IGSF23: variants seen among roughly 807,000 people sequenced by gnomAD.
IGSF23 encodes the protein immunoglobulin superfamily, member 23.
A neutral mutation model predicts 17.8 loss-of-function variants in IGSF23; 14 were observed. The ratio of observed to expected loss-of-function variants is 0.79; its 90% confidence interval spans 0.52 to 1.23. IGSF23 has a LOEUF of 1.23. Ranked by LOEUF, IGSF23 falls within the 50% of genes most tolerant of loss-of-function variation. The pLI is 0.00. For missense variants in IGSF23, 214 were observed against 241.7 expected, an observed-to-expected ratio of 0.89 and a Z score of 0.76; for synonymous variants, 85 against 92.5, an observed-to-expected ratio of 0.92 and a Z score of 0.46.
At chr19:44,630,852 T>G (rs1043494892) in intron 3 of IGSF23, among the ~76,000 whole-genome samples, 1 of 152,188 alleles carries the variant, frequency 6.6e-6, no homozygotes, top group Non-Finnish European at 1.5e-5. Context: ...TTGTTTGTAG[T>G]TGAGGAGAGG....
chr19:44,613,913 T>A (rs942061140), intron 1 of IGSF23, 143 bp downstream of exon 1: 1 of 1,548,096 alleles, frequency 6.5e-7, no homozygotes, highest in African/African-American at 1.4e-5. Context: ...GCACAGTCCC[T>A]GGACAGAACA....
At chr19:44,613,851 C>T (rs763074862) in intron 1 of IGSF23, 81 bp downstream of exon 1, 18 of 1,545,944 alleles carry the variant, frequency 1.2e-5, no homozygotes, top group South Asian at 3.6e-5. Context: ...GGGCTGCAGA[C>T]GCGACTGTAC....
intron 1 of IGSF23, among the ~76,000 whole-genome samples, chr19:44,619,817 A>C (rs1972471747): frequency 6.6e-6 from 1 of 152,102 alleles, no homozygotes; most frequent in African/African-American, 2.4e-5. Context: ...ATTCTAACTT[A>C]ATCACCTCGT....
intron 1 of IGSF23, among the ~76,000 whole-genome samples, chr19:44,614,570 C>T (rs1052845565): frequency 3.9e-5 from 6 of 151,916 alleles, no homozygotes; most frequent in African/African-American, 1.5e-4. Context: ...GTAGCTGGGA[C>T]CATAGGTATG....
intron 3 of IGSF23, among the ~76,000 whole-genome samples, chr19:44,629,686 T>G (rs932312993): frequency 1.4e-5 from 2 of 139,910 alleles, no homozygotes; most frequent in African/African-American, 5.4e-5. Flanking sequence ...CAGGCTGGAG[T>G]GCAGTGGTGC....
At chr19:44,627,298 C>G (rs1323360405) in intron 2 of IGSF23, 122 bp from the exon 3 acceptor site, 1 of 1,038,548 alleles carries the variant, frequency 9.6e-7, no homozygotes, top group Non-Finnish European at 1.4e-6. Context: ...GGCCAGAGAC[C>G]TGGAGGATGG....
intron 3 of IGSF23, among the ~76,000 whole-genome samples, chr19:44,628,952 C>T (rs933783278): frequency 6.6e-6 from 1 of 151,994 alleles, no homozygotes; most frequent in African/African-American, 2.4e-5. Flanking sequence ...AATGGCATAT[C>T]CAGCAGAGGG....
rs931469176 is a variant in IGSF23, at chr19:44,613,741, G to A, written c.96G>A (p.Ala32=). ...CTGACCCGATGCTAGAGAAGGATGCGGCTGGAGGTGACTTCCCAGCCAACT... is the reference window on the plus strand; with the variant it reads ...CTGACCCGATGCTAGAGAAGGATGCAGCTGGAGGTGACTTCCCAGCCAACT... The part of the protein sequence containing the change: ...TTTDPMLEKD[A]AGGDFPANLV... The change falls in exon 1 of 5, where the codon GCG becomes GCA. Residue 32 remains alanine (A), a synonymous_variant. Transcript: ENST00000402988. 31 of 1,550,558 alleles carry A rather than the reference G, an allele frequency of 2.0e-5. No individual in the cohort carries two copies. In the African/African-American group the frequency reaches 3.1e-4, roughly 16 times the overall value.
intron 2 of IGSF23, among the ~76,000 whole-genome samples, chr19:44,626,795 G>A (rs372810095): frequency 1.8e-4 from 27 of 152,166 alleles, no homozygotes; most frequent in African/African-American, 6.5e-4. Context: ...GGTGGCATGT[G>A]CCTGTAATCC....
intron 3 of IGSF23, among the ~76,000 whole-genome samples, chr19:44,635,163 G>A (rs1293312240): frequency 6.6e-6 from 1 of 152,128 alleles, no homozygotes; most frequent in Non-Finnish European, 1.5e-5. Flanking sequence ...TTTTCTCTAT[G>A]CTCATCCCTG....
At chr19:44,618,484 C>T (rs62118221) in intron 1 of IGSF23, among the ~76,000 whole-genome samples, 11,956 of 152,228 alleles carry the variant, frequency 0.079, 504 homozygotes, top group Middle Eastern at 0.14. Context: ...CTCAGAAGAG[C>T]CCACCAGGAC....
chr19:44,627,782 C>T (rs1348606155), intron 3 of IGSF23, among the ~76,000 whole-genome samples: 1 of 152,156 alleles, frequency 6.6e-6, no homozygotes. Flanking sequence ...GCTGGGCTGT[C>T]TGGCTTCAAG....
At chr19:44,631,566 G>A (rs1291470799) in intron 3 of IGSF23, among the ~76,000 whole-genome samples, 3 of 152,220 alleles carry the variant, frequency 2.0e-5, no homozygotes, top group African/African-American at 7.2e-5. Context: ...TAAAGACACA[G>A]AAATATAGAA....
chr19:44,630,175 A>G (rs12983889), intron 3 of IGSF23, among the ~76,000 whole-genome samples: 41,546 of 151,948 alleles, frequency 0.27, 6,531 homozygotes, highest in East Asian at 0.49. Context: ...GTTTAGGGAG[A>G]CATTGTGGAC....
In IGSF23 at chr19:44,623,604, G is replaced by T. The variant is rs553325077; in HGVS notation, c.126-103G>T. 176 of 1,170,798 alleles carry T rather than the reference G, an allele frequency of 1.5e-4. No homozygotes were observed. In the African/African-American group the frequency reaches 2.4e-3, roughly 16 times the overall value. The allele number at this position is 1,170,798 out of a possible 1,614,324, so 72.5% of individuals were successfully genotyped here. On this transcript the variant is annotated intron_variant, in intron 1 of 4. Transcript: ENST00000402988. The stretch of plus-strand genomic sequence containing the variant: ...TTCATGGGTGAATTAATGAATGAAT[G>T]AACACATGAAAGAATGGATGTCTCT...
intron 1 of IGSF23, among the ~76,000 whole-genome samples, chr19:44,622,090 C>T (rs996854216): frequency 2.0e-5 from 3 of 151,652 alleles, no homozygotes; most frequent in African/African-American, 7.3e-5. Context: ...GATGTGGTGG[C>T]GGGTGCCTAT....
intron 1 of IGSF23, among the ~76,000 whole-genome samples, chr19:44,616,900 A>AAGAG (rs899763381): frequency 1.3e-5 from 2 of 149,290 alleles, no homozygotes; most frequent in African/African-American, 2.5e-5. Flanking sequence ...GAGAGAGAAA[A>AAGAG]AGAGAGAGAG....
chr19:44,634,526 C>T (rs1381634380), intron 3 of IGSF23, among the ~76,000 whole-genome samples: 2 of 152,146 alleles, frequency 1.3e-5, no homozygotes, highest in East Asian at 3.9e-4. Flanking sequence ...TCTCTTCTAG[C>T]TTGCTGGATT....
intron 1 of IGSF23, chr19:44,620,915 T>C (rs555774804): frequency 1.3e-5 from 2 of 152,288 alleles, no homozygotes; most frequent in African/African-American, 4.8e-5. Context: ...ACCTACCTCA[T>C]AGGGTGACTG....
Sources: allele counts gnomAD v4.1 joint callset (sites outside exome capture counted in the v4.1 genomes callset), GRCh38; gene constraint gnomAD v4.1.1; transcripts MANE v1.5; gene names NCBI Gene and HGNC (gene_info 2026-07-23, HGNC 2026-07-21).